Variants in PDE1A observed in about 807,000 individuals in gnomAD.
The protein encoded by PDE1A is phosphodiesterase 1A, also known as dual specificity calcium/calmodulin-dependent 3',5'-cyclic nucleotide phosphodiesterase 1A.
A neutral mutation model predicts 61.7 loss-of-function variants in PDE1A; 35 were observed. The observed-to-expected ratio is 0.57, with a 90% CI of 0.43 to 0.75. The LOEUF is 0.75. Ranked by LOEUF, PDE1A falls within the 30% of genes least tolerant of loss-of-function variation. The pLI is 0.00. For missense variants in PDE1A, 597 were observed against 630.6 expected (o/e 0.95, Z 0.57); for synonymous variants, 232 against 213.2 (o/e 1.09, Z -0.77).
chr2:182,490,990 T>C (rs1251199705), intron 2 of PDE1A, among the ~76,000 whole-genome samples: 1 of 152,084 alleles, frequency 6.6e-6, no homozygotes, highest in African/African-American at 2.4e-5. Flanking sequence ...CATCTGAGGT[T>C]TGAGGAGGCA....
intron 1 of PDE1A, among the ~76,000 whole-genome samples, chr2:182,302,190 G>T (rs1417169678): frequency 6.6e-6 from 1 of 152,186 alleles, no homozygotes; most frequent in Non-Finnish European, 1.5e-5. Flanking sequence ...ACTTTCAACT[G>T]CAGTTCTTGC....
the PDE1A span, among the ~76,000 whole-genome samples, chr2:182,649,292 T>A: frequency 6.6e-6 from 1 of 151,984 alleles, no homozygotes; most frequent in Non-Finnish European, 1.5e-5. Context: ...GAAACCAAAA[T>A]CAGAATAGGA....
At chr2:182,177,747 C>CT (rs1180883955) in intron 13 of PDE1A, among the ~76,000 whole-genome samples, 2 of 143,888 alleles carry the variant, frequency 1.4e-5, no homozygotes, top group African/African-American at 5.2e-5. Context: ...AAAAAAATGT[C>CT]TTTTTTGTTG....
intron 2 of PDE1A, among the ~76,000 whole-genome samples, chr2:182,495,230 T>G (rs1348365966): frequency 2.6e-5 from 4 of 152,176 alleles, no homozygotes; most frequent in African/African-American, 4.8e-5. Flanking sequence ...GCCTTTTCCT[T>G]GGGGTGGTAA....
chr2:182,619,040 A>C, the PDE1A span, among the ~76,000 whole-genome samples: 1 of 151,962 alleles, frequency 6.6e-6, no homozygotes, highest in African/African-American at 2.4e-5. Flanking sequence ...CAAAAAAAAA[A>C]AAACAAAAAT....
intron 2 of PDE1A, among the ~76,000 whole-genome samples, chr2:182,460,405 T>A (rs971571243): frequency 6.6e-6 from 1 of 152,110 alleles, no homozygotes; most frequent in Admixed American, 6.6e-5. Context: ...TTGAAACCCA[T>A]ATGTAACACA....
chr2:182,297,648 G>C (rs1406792618), intron 1 of PDE1A, among the ~76,000 whole-genome samples: 3 of 152,164 alleles, frequency 2.0e-5, no homozygotes, highest in Non-Finnish European at 4.4e-5. Flanking sequence ...GCCCATATCT[G>C]TTCAGCCTTT....
intron 1 of PDE1A, among the ~76,000 whole-genome samples, chr2:182,352,120 C>T (rs548776668): frequency 2.0e-5 from 3 of 152,182 alleles, no homozygotes; most frequent in Non-Finnish European, 4.4e-5. Context: ...ACCCAGGCTA[C>T]TTCTCACATT....
intron 1 of PDE1A, among the ~76,000 whole-genome samples, chr2:182,424,791 G>C (rs1703500909): frequency 6.6e-6 from 1 of 152,138 alleles, no homozygotes; most frequent in Admixed American, 6.5e-5. Context: ...AATGCCAACT[G>C]TCAATGTGCC....
At chr2:182,297,286 GAA>G (rs71008219) in intron 1 of PDE1A, among the ~76,000 whole-genome samples, 16 of 151,130 alleles carry the variant, frequency 1.1e-4, no homozygotes, top group Non-Finnish European at 1.6e-4. Context: ...TCCCATTAGT[GAA>G]AAAAAAAAAT....
chr2:182,220,657 C>CA (rs1173673575), intron 7 of PDE1A, among the ~76,000 whole-genome samples: 1 of 152,042 alleles, frequency 6.6e-6, no homozygotes, highest in Non-Finnish European at 1.5e-5. Context: ...CATTTATTTA[C>CA]ACTTTCAAGG....
chr2:182,622,549 C>T, the PDE1A span, among the ~76,000 whole-genome samples: 6 of 151,978 alleles, frequency 3.9e-5, no homozygotes, highest in Non-Finnish European at 5.9e-5. Context: ...AATTTTTTTG[C>T]CATAAAGAAA....
intron 1 of PDE1A, among the ~76,000 whole-genome samples, chr2:182,393,675 C>T (rs899222814): frequency 2.6e-5 from 4 of 152,178 alleles, no homozygotes; most frequent in Non-Finnish European, 5.9e-5. Context: ...TAAGAGCACC[C>T]AAGCCATTTC....
the PDE1A span, among the ~76,000 whole-genome samples, chr2:182,589,051 AATAATAATAATAAT>A: frequency 2.3e-4 from 2 of 8,840 alleles, no homozygotes; most frequent in Non-Finnish European, 4.9e-4. Context: ...TCAAAATAAT[AATAATAATAATAAT>A]AATAATAATA....
intron 1 of PDE1A, among the ~76,000 whole-genome samples, chr2:182,309,624 A>T (rs1695831505): frequency 6.6e-6 from 1 of 152,100 alleles, no homozygotes; most frequent in African/African-American, 2.4e-5. Flanking sequence ...TTCAATTTGA[A>T]TATTAAATCA....
chr2:182,597,871 GT>G, the PDE1A span, among the ~76,000 whole-genome samples: 2 of 152,190 alleles, frequency 1.3e-5, no homozygotes, highest in African/African-American at 4.8e-5. Flanking sequence ...TCATTCAGCA[GT>G]TTGGAGACTT....
intron 1 of PDE1A, among the ~76,000 whole-genome samples, chr2:182,377,565 C>T (rs1700484245): frequency 6.6e-6 from 1 of 152,148 alleles, no homozygotes; most frequent in East Asian, 1.9e-4. Context: ...GCAAGTAGAA[C>T]TCTCCTAAAT....
the PDE1A span, among the ~76,000 whole-genome samples, chr2:182,699,860 A>C: frequency 6.6e-6 from 1 of 152,230 alleles, no homozygotes; most frequent in African/African-American, 2.4e-5. Context: ...ACAAAGAAGA[A>C]GACAAGAGGT....
At chr2:182,267,876 T>C (rs1176008292) in intron 1 of PDE1A, among the ~76,000 whole-genome samples, 1 of 152,140 alleles carries the variant, frequency 6.6e-6, no homozygotes, top group Non-Finnish European at 1.5e-5. Flanking sequence ...TAAGGCTTTA[T>C]TGTATATATC....
Sources: gnomAD v4.1 joint callset for allele counts (sites outside exome capture counted in the v4.1 genomes callset) on GRCh38, gnomAD v4.1.1 for gene constraint, MANE v1.5 for transcripts, NCBI Gene and HGNC (gene_info 2026-07-23, HGNC 2026-07-21) for gene names.